The following OTULINL variants were observed in gnomAD, a reference collection of about 807,000 sequenced individuals.
OTULINL encodes the protein OTU deubiquitinase with linear linkage specificity like.
A neutral mutation model predicts 43.9 loss-of-function variants in OTULINL; 42 were observed. The ratio of observed to expected loss-of-function variants is 0.96; its 90% confidence interval spans 0.75 to 1.24. The LOEUF is 1.24. OTULINL is among the 50% of genes most tolerant of loss of function. The probability of loss-of-function intolerance (pLI) is 0.00; values close to 1 mark genes in which losing one functional copy is unlikely to be tolerated. For missense variants in OTULINL, 411 were observed against 426.4 expected (o/e 0.96, Z 0.32); for synonymous variants, 172 against 153.6 (o/e 1.12, Z -0.88).
chr5:14,614,866 T>C lies in OTULINL; in HGVS notation c.*4552T>C. The C allele has an allele frequency of 2.5e-6, 1 of 397,660 alleles. No individual in the cohort carries two copies. Among genetic ancestry groups the C allele is most frequent in the Non-Finnish European group, 4.4e-6 (1 of 225,952 alleles). The allele number at this position is 397,660 out of a possible 1,614,324, so 24.6% of individuals were successfully genotyped here. On this transcript the variant is annotated 3_prime_UTR_variant, in exon 8 of 8. Transcript: ENST00000274217. ...TGTATGTAATTGACGTATTGGTCCT[T>C]ATAGTCAGTACCATCAGGTCTTAGA...
chr5:14,595,188 T>C (rs1212801407), intron 1 of OTULINL, among the ~76,000 whole-genome samples: 1 of 152,140 alleles, frequency 6.6e-6, no homozygotes, highest in Non-Finnish European at 1.5e-5. Flanking sequence ...AAAGACCACC[T>C]CTGCTTCAGG....
At chr5:14,608,655 C>G in intron 6 of OTULINL, 93 bp from the exon 7 acceptor site, 1 of 1,038,852 alleles carries the variant, frequency 9.6e-7, no homozygotes, top group Non-Finnish European at 1.4e-6. Context: ...TTCTATTAAT[C>G]TTTGGTTTAT....
intron 1 of OTULINL, among the ~76,000 whole-genome samples, 197 bp downstream of exon 1, chr5:14,582,155 C>G (rs1438648123): frequency 6.6e-6 from 1 of 152,030 alleles, no homozygotes; most frequent in Non-Finnish European, 1.5e-5. Context: ...CACCCCCACT[C>G]GGGGTCGAGC....
chr5:14,603,729 T>C (rs992151310), intron 5 of OTULINL, among the ~76,000 whole-genome samples: 7 of 152,298 alleles, frequency 4.6e-5, no homozygotes. Context: ...TTGTCAGATA[T>C]ATGATTTACA....
At chr5:14,583,707 A>G (rs1759057517) in intron 1 of OTULINL, among the ~76,000 whole-genome samples, 2 of 152,234 alleles carry the variant, frequency 1.3e-5, no homozygotes, top group South Asian at 2.1e-4. Flanking sequence ...TCTCCAAAAC[A>G]TAACTTCTGA....
rs1759605868 is a variant in OTULINL at position 14,612,905 on chromosome 5, A to G, written c.*2591A>G. On this transcript the variant is annotated 3_prime_UTR_variant, in exon 8 of 8. Coordinates refer to ENST00000274217, the MANE Select transcript of OTULINL (RefSeq NM_019018.3). ...ACTTTTACTGTGGTAAAATACACAT[A>G]ACATATAGTTTATATTTTAACAATT... Among the ~76,000 whole-genome samples the G allele has an allele frequency of 6.8e-6, 1 of 146,874 alleles. No individual in the cohort carries two copies. Among genetic ancestry groups the G allele is most frequent in the Non-Finnish European group, 1.5e-5 (1 of 67,094 alleles).
chr5:14,605,546 T>C (rs1759460011), intron 5 of OTULINL, among the ~76,000 whole-genome samples: 1 of 152,210 alleles, frequency 6.6e-6, no homozygotes, highest in African/African-American at 2.4e-5. Flanking sequence ...CCTCAGAAAA[T>C]GAGATTTTCT....
intron 1 of OTULINL, among the ~76,000 whole-genome samples, chr5:14,586,775 C>G (rs1341859787): frequency 6.6e-6 from 1 of 151,870 alleles, no homozygotes; most frequent in East Asian, 1.9e-4. Context: ...GGTTAGTCTT[C>G]TAGGAGAGGG....
chr5:14,603,109 C>A (rs1434811727), intron 5 of OTULINL, among the ~76,000 whole-genome samples: 1 of 152,162 alleles, frequency 6.6e-6, no homozygotes, highest in Non-Finnish European at 1.5e-5. Flanking sequence ...TGGTTTCTTT[C>A]ACTTAGCACA....
At chr5:14,602,755 A>G (rs763389861) in intron 5 of OTULINL, among the ~76,000 whole-genome samples, 4 of 152,194 alleles carry the variant, frequency 2.6e-5, no homozygotes, top group Non-Finnish European at 5.9e-5. Context: ...TTAAGAGGCC[A>G]TTTAATCCAG....
intron 2 of OTULINL, 31 bp downstream of exon 2, chr5:14,601,155 A>C (rs1489525870): frequency 1.2e-6 from 2 of 1,611,162 alleles, no homozygotes; most frequent in Non-Finnish European, 1.7e-6. Flanking sequence ...TAAATTTCAA[A>C]TGTATCTTTA....
chr5:14,600,543 G>A (rs562711730), intron 1 of OTULINL, among the ~76,000 whole-genome samples: 43 of 152,206 alleles, frequency 2.8e-4, no homozygotes, highest in Non-Finnish European at 4.6e-4. Flanking sequence ...GGCAGGCATT[G>A]TGCTAGTGCT....
Position 14,601,333 on chromosome 5 carries a change from AT to A in OTULINL, c.257-12del. 1.2e-6 allele frequency: 2 copies of A among 1,612,866 alleles called. No homozygotes were observed. Among genetic ancestry groups the A allele is most frequent in the Non-Finnish European group, 1.7e-6 (2 of 1,179,504 alleles). ...AGAAAGGGAGAATTAACAGCTTTTTATTTTTTATTTGGTCCAGGGAACCTCA... is the reference window on the plus strand; with the variant it reads ...AGAAAGGGAGAATTAACAGCTTTTTATTTTTATTTGGTCCAGGGAACCTCA... On this transcript the variant is annotated splice_polypyrimidine_tract_variant and intron_variant, in intron 3 of 7. Coordinates refer to ENST00000274217, the MANE Select transcript of OTULINL (RefSeq NM_019018.3).
chr5:14,607,574 G>T, intron 6 of OTULINL, 116 bp downstream of exon 6: 6 of 1,280,528 alleles, frequency 4.7e-6, no homozygotes, highest in Non-Finnish European at 5.4e-6. Context: ...AGAAGTGCAA[G>T]CAGAAATGCT....
At chr5:14,588,638 A>G (rs944075704) in intron 1 of OTULINL, among the ~76,000 whole-genome samples, 8 of 152,196 alleles carry the variant, frequency 5.3e-5, no homozygotes, top group African/African-American at 1.9e-4. Flanking sequence ...AAAGAGAGGT[A>G]GCTCCCCAGG....
intron 1 of OTULINL, among the ~76,000 whole-genome samples, chr5:14,590,351 G>A (rs936388175): frequency 2.6e-5 from 4 of 152,178 alleles, no homozygotes; most frequent in Non-Finnish European, 4.4e-5. Flanking sequence ...CAGGGTCCTG[G>A]GGGTCTTGAT....
intron 1 of OTULINL, among the ~76,000 whole-genome samples, chr5:14,584,202 C>T (rs576258591): frequency 6.6e-6 from 1 of 152,282 alleles, no homozygotes; most frequent in Admixed American, 6.5e-5. Flanking sequence ...TTGCTCTTCC[C>T]ACATCTGGCC....
intron 1 of OTULINL, among the ~76,000 whole-genome samples, chr5:14,582,671 C>T (rs1282544782): frequency 1.3e-5 from 2 of 151,730 alleles, no homozygotes; most frequent in Non-Finnish European, 2.9e-5. Flanking sequence ...AAAAATTATC[C>T]GGGCATAGTG....
In OTULINL at chr5:14,613,262, A is replaced by G. The variant is rs1445935837; in HGVS notation, c.*2948A>G. 6.6e-6 allele frequency among the ~76,000 whole-genome samples: 1 copy of G among 152,134 alleles called. No individual in the cohort carries two copies. Among genetic ancestry groups the G allele is most frequent in the Non-Finnish European group, 1.5e-5 (1 of 68,014 alleles). ...TGACAGTGACATTAAGCATATTCACATTGTTGTGCAACCCTCACCACCATC... is the reference window on the plus strand; with the variant it reads ...TGACAGTGACATTAAGCATATTCACGTTGTTGTGCAACCCTCACCACCATC... On this transcript the variant is annotated 3_prime_UTR_variant, in exon 8 of 8. Transcript: ENST00000274217.
Sources: allele counts gnomAD v4.1 joint callset (sites outside exome capture counted in the v4.1 genomes callset), GRCh38; gene constraint gnomAD v4.1.1; transcripts MANE v1.5; gene names NCBI Gene and HGNC (gene_info 2026-07-23, HGNC 2026-07-21).